The following BRD10 variants were observed in gnomAD, a reference collection of about 807,000 sequenced individuals.
BRD10 encodes uncharacterized bromodomain-containing protein 10.
the BRD10 span, chr9:6,008,042 C>A: frequency 9.1e-5 from 104 of 1,147,494 alleles, no homozygotes; most frequent in Non-Finnish European, 1.1e-4. Context: ...CCCCTCCCCC[C>A]CGGCGGCGGC....
chr9:5,961,432 G>C, the BRD10 span, among the ~76,000 whole-genome samples: 1 of 151,896 alleles, frequency 6.6e-6, no homozygotes, highest in Non-Finnish European at 1.5e-5. Context: ...AAAAAACAAT[G>C]AAAGAAAACC....
At chr9:5,960,875 A>T in the BRD10 span, among the ~76,000 whole-genome samples, 1 of 152,220 alleles carries the variant, frequency 6.6e-6, no homozygotes, top group South Asian at 2.1e-4. Flanking sequence ...CAGCCATTTA[A>T]AATGATGCTA....
chr9:5,892,444 T>C, the BRD10 span: 4 of 1,598,770 alleles, frequency 2.5e-6, no homozygotes, highest in Non-Finnish European at 3.4e-6. Context: ...ATGCTCCTTC[T>C]GTTAGGTGTC....
At chr9:5,929,497 GAC>G in the BRD10 span, among the ~76,000 whole-genome samples, 1 of 152,130 alleles carries the variant, frequency 6.6e-6, no homozygotes, top group African/African-American at 2.4e-5. Context: ...AAGTAAGTAT[GAC>G]ATGGGTCATT....
the BRD10 span, among the ~76,000 whole-genome samples, chr9:5,894,711 C>G: frequency 1.3e-5 from 2 of 152,302 alleles, no homozygotes; most frequent in East Asian, 3.9e-4. This position sits in a 1 kb window ranked among gnomAD's most constrained non-coding sequence, Gnocchi z 4.0. Flanking sequence ...GTGATCCTGA[C>G]AGGAGCCAGA....
At chr9:5,955,862 T>G in the BRD10 span, among the ~76,000 whole-genome samples, 1 of 152,198 alleles carries the variant, frequency 6.6e-6, no homozygotes, top group Non-Finnish European at 1.5e-5. Context: ...CAGGGAGAAG[T>G]GATTAAATTC....
chr9:5,908,760 C>G, the BRD10 span: 1 of 1,537,572 alleles, frequency 6.5e-7, no homozygotes, highest in Non-Finnish European at 9.0e-7. Context: ...CACACTTTTG[C>G]TTGAATTTAA....
the BRD10 span, among the ~76,000 whole-genome samples, chr9:5,896,174 G>C: frequency 6.6e-6 from 1 of 152,202 alleles, no homozygotes; most frequent in South Asian, 2.1e-4. Context: ...GCAGCCCTGG[G>C]CACTTGACCA....
At chr9:5,891,362 C>T in the BRD10 span, 3 of 152,186 alleles carry the variant, frequency 2.0e-5, no homozygotes, top group Non-Finnish European at 2.9e-5. Context: ...TCATTTTGAA[C>T]ACAGGGTTCA....
chr9:5,886,523 G>C, the BRD10 span, among the ~76,000 whole-genome samples: 3 of 152,188 alleles, frequency 2.0e-5, no homozygotes, highest in Non-Finnish European at 2.9e-5. Context: ...CGTGCACTGG[G>C]GCTTTCAGAG....
the BRD10 span, among the ~76,000 whole-genome samples, chr9:5,942,502 A>G: frequency 6.6e-6 from 1 of 152,222 alleles, no homozygotes; most frequent in Admixed American, 6.5e-5. Flanking sequence ...TATCACAATC[A>G]ATATTAGCTT....
At chr9:5,947,375 A>G in the BRD10 span, among the ~76,000 whole-genome samples, 1 of 152,138 alleles carries the variant, frequency 6.6e-6, no homozygotes, top group African/African-American at 2.4e-5. Context: ...ATAAATCAAC[A>G]TGGCTACTGG....
the BRD10 span, among the ~76,000 whole-genome samples, chr9:5,989,919 T>C: frequency 6.6e-6 from 1 of 152,222 alleles, no homozygotes; most frequent in South Asian, 2.1e-4. Context: ...TAAATTAGAA[T>C]AACTTTGTAA....
chr9:5,987,050 A>G, the BRD10 span, among the ~76,000 whole-genome samples: 1 of 152,194 alleles, frequency 6.6e-6, no homozygotes, highest in Admixed American at 6.5e-5. Context: ...CACTACTCAA[A>G]AACTGTATGA....
At chr9:5,924,806 T>C in the BRD10 span, 5 of 1,547,224 alleles carry the variant, frequency 3.2e-6, no homozygotes, top group South Asian at 1.3e-5. Context: ...CATGATCAGG[T>C]TGTCTTCTGA....
chr9:5,924,711 G>A, the BRD10 span: 1 of 1,598,978 alleles, frequency 6.3e-7, no homozygotes, highest in Non-Finnish European at 8.5e-7. Flanking sequence ...TGAGTCTATA[G>A]ACTTACTGAT....
At chr9:5,892,522 G>A in the BRD10 span, 1 of 1,613,760 alleles carries the variant, frequency 6.2e-7, no homozygotes, top group Non-Finnish European at 8.5e-7. Flanking sequence ...CCAAGAAGGG[G>A]CACGGCCACT....
the BRD10 span, among the ~76,000 whole-genome samples, chr9:5,938,417 G>A: frequency 6.6e-6 from 1 of 152,104 alleles, no homozygotes; most frequent in Non-Finnish European, 1.5e-5. Context: ...TTGCACTCCA[G>A]CCTGGGTGAC....
At chr9:5,954,628 A>C in the BRD10 span, among the ~76,000 whole-genome samples, 1 of 152,210 alleles carries the variant, frequency 6.6e-6, no homozygotes, top group Non-Finnish European at 1.5e-5. Flanking sequence ...CAATACCCAA[A>C]GTTTTAAAAG....
Sources: allele counts gnomAD v4.1 joint callset (sites outside exome capture counted in the v4.1 genomes callset), GRCh38; gene constraint gnomAD v4.1.1; non-coding constraint Gnocchi (gnomAD v3.1); transcripts MANE v1.5; gene names NCBI Gene and HGNC (gene_info 2026-07-23, HGNC 2026-07-21).